FHIT: variants seen among roughly 807,000 people sequenced by gnomAD.
FHIT encodes the protein fragile histidine triad diadenosine triphosphatase.
FHIT carries 19 observed loss-of-function variants against 17.9 expected under a neutral mutation model. The ratio of observed to expected loss-of-function variants is 1.06; its 90% CI spans 0.74 to 1.56. The LOEUF (loss-of-function observed/expected upper bound fraction) is 1.56. Ranked by LOEUF, FHIT falls within the 40% of genes most tolerant of loss-of-function variation. FHIT has a pLI of 0.00. For synonymous variants in FHIT, 81 were observed against 69.7 expected (o/e 1.16, Z -0.81); for missense variants, 248 against 189.2 (o/e 1.31, Z -1.82).
chr3:60,947,436 G>A (rs1708686841), intron 3 of FHIT, among the ~76,000 whole-genome samples: 1 of 152,088 alleles, frequency 6.6e-6, no homozygotes, highest in Admixed American at 6.5e-5. Context: ...AAAGGAAAAT[G>A]TAACATTTGA....
intron 5 of FHIT, among the ~76,000 whole-genome samples, chr3:60,255,461 G>A (rs986206576): frequency 6.6e-6 from 1 of 152,072 alleles, no homozygotes; most frequent in Non-Finnish European, 1.5e-5. Context: ...ATAATAGGGA[G>A]TAGTGGGAAC....
intron 1 of FHIT, among the ~76,000 whole-genome samples, chr3:61,214,711 G>C (rs2039613159): frequency 6.6e-6 from 1 of 152,156 alleles, no homozygotes; most frequent in South Asian, 2.1e-4. Flanking sequence ...CCAAAAGAGA[G>C]AATTTTAGAC....
intron 5 of FHIT, among the ~76,000 whole-genome samples, chr3:60,247,299 G>T (rs1439118223): frequency 6.6e-6 from 1 of 152,008 alleles, no homozygotes; most frequent in African/African-American, 2.4e-5. Flanking sequence ...TGAGGCAGGA[G>T]GATCACTTGT....
intron 7 of FHIT, among the ~76,000 whole-genome samples, chr3:59,996,187 G>A (rs1216808419): frequency 4.6e-5 from 7 of 152,124 alleles, no homozygotes; most frequent in Non-Finnish European, 8.8e-5. Flanking sequence ...CTAACAGCAG[G>A]GGGTATTATT....
intron 3 of FHIT, among the ~76,000 whole-genome samples, chr3:60,836,295 A>G (rs1229854953): frequency 3.3e-5 from 5 of 152,202 alleles, no homozygotes; most frequent in African/African-American, 9.6e-5. Flanking sequence ...GCTTCCTAAA[A>G]TGAATTGCGA....
chr3:60,367,582 G>A (rs1700160751), intron 5 of FHIT, among the ~76,000 whole-genome samples: 1 of 152,070 alleles, frequency 6.6e-6, no homozygotes, highest in African/African-American at 2.4e-5. Flanking sequence ...ATGCCTTTAT[G>A]AACAAATTTG....
intron 5 of FHIT, among the ~76,000 whole-genome samples, chr3:60,211,575 G>A (rs1009988331): frequency 1.3e-5 from 2 of 152,092 alleles, no homozygotes; most frequent in African/African-American, 2.4e-5. Context: ...TTTTATTTAA[G>A]ATACATAACA....
At chr3:60,813,038 C>T (rs1328033557) in intron 4 of FHIT, among the ~76,000 whole-genome samples, 3 of 151,778 alleles carry the variant, frequency 2.0e-5, no homozygotes, top group Non-Finnish European at 4.4e-5. Flanking sequence ...AGAAGAGGGA[C>T]CATCAAGAGG....
At chr3:60,174,815 CTTA>C in intron 5 of FHIT, among the ~76,000 whole-genome samples, 1 of 152,154 alleles carries the variant, frequency 6.6e-6, no homozygotes, top group South Asian at 2.1e-4. Context: ...GCAGTTATTT[CTTA>C]TTTTCTTTTT....
Position 60,254,008 on chromosome 3 carries a change from G to C in FHIT, c.104-239856C>G, listed in dbSNP as rs545416155. Among the ~76,000 whole-genome samples the C allele has an allele frequency of 2.0e-5, 3 of 152,220 alleles. No homozygotes were observed. The East Asian group carries it at 5.8e-4, about 29-fold the overall frequency. The stretch of plus-strand genomic sequence containing the variant: ...ACAATTGGTTGCAAGTTAGTACGAT[G>C]AATACCTGCAATACCCTACTTCAAC... On this transcript the variant is annotated intron_variant, in intron 5 of 9. Coordinates refer to ENST00000492590, the MANE Select transcript of FHIT (RefSeq NM_002012.4).
chr3:59,946,100 T>G (rs1706788782), intron 7 of FHIT, among the ~76,000 whole-genome samples: 1 of 152,240 alleles, frequency 6.6e-6, no homozygotes, highest in Non-Finnish European at 1.5e-5. Context: ...GGACAGAATC[T>G]ATAAATTGCT....
At chr3:60,678,163 A>G (rs2040665833) in intron 4 of FHIT, among the ~76,000 whole-genome samples, 1 of 151,850 alleles carries the variant, frequency 6.6e-6, no homozygotes, top group African/African-American at 2.4e-5. Flanking sequence ...TTTTATTTTT[A>G]TTTTTAACAA....
intron 8 of FHIT, among the ~76,000 whole-genome samples, chr3:59,836,058 T>C (rs952985003): frequency 6.6e-6 from 1 of 152,118 alleles, no homozygotes; most frequent in African/African-American, 2.4e-5. Flanking sequence ...AGAATATCCA[T>C]GAATGTTACT....
At chr3:59,921,676 C>G (rs1388495947) in intron 8 of FHIT, among the ~76,000 whole-genome samples, 1 of 141,382 alleles carries the variant, frequency 7.1e-6, no homozygotes, top group South Asian at 2.3e-4. Context: ...ACAGCCTGAT[C>G]CATGACAGGC....
intron 5 of FHIT, among the ~76,000 whole-genome samples, chr3:60,256,317 C>T (rs1187891632): frequency 6.6e-6 from 1 of 152,150 alleles, no homozygotes; most frequent in Non-Finnish European, 1.5e-5. Context: ...TTATCATCAA[C>T]CTCAAGCTCC....
intron 4 of FHIT, among the ~76,000 whole-genome samples, chr3:60,805,304 T>G (rs1240368570): frequency 6.6e-6 from 1 of 152,216 alleles, no homozygotes; most frequent in East Asian, 1.9e-4. Context: ...CAACAGAAAT[T>G]TATTTCTCAC....
intron 4 of FHIT, among the ~76,000 whole-genome samples, chr3:60,686,237 T>C (rs889972974): frequency 3.3e-5 from 5 of 152,156 alleles, no homozygotes; most frequent in Admixed American, 6.5e-5. Flanking sequence ...TCTCCGGCTA[T>C]TTTCAAGATA....
rs180898064 is a variant in FHIT, at chr3:59,990,791, C to A, written c.279+20580G>T. Reference sequence around the variant, plus strand: ...GTTTAACAAATGACACTTAAGTGATCTACTGGCATTTTAGAACAGAGGCAA... The same window carrying A: ...GTTTAACAAATGACACTTAAGTGATATACTGGCATTTTAGAACAGAGGCAA... On this transcript the variant is annotated intron_variant, in intron 7 of 9. Transcript: ENST00000492590. Among the ~76,000 whole-genome samples, 597 of 152,108 alleles carry A rather than the reference C, an allele frequency of 3.9e-3. 5 individuals carry two copies. Among genetic ancestry groups the A allele is most frequent in the African/African-American group, 0.014 (567 of 41,534 alleles).
chr3:60,111,166 A>G (rs1704653607), intron 5 of FHIT, among the ~76,000 whole-genome samples: 1 of 152,198 alleles, frequency 6.6e-6, no homozygotes, highest in Non-Finnish European at 1.5e-5. Flanking sequence ...AAAGAATGTC[A>G]CCGCATATTG....
Sources: gnomAD v4.1 joint callset for allele counts (sites outside exome capture counted in the v4.1 genomes callset) on GRCh38, gnomAD v4.1.1 for gene constraint, MANE v1.5 for transcripts, NCBI Gene and HGNC (gene_info 2026-07-23, HGNC 2026-07-21) for gene names.